The following CLVS1 variants were observed in gnomAD, a reference collection of about 807,000 sequenced individuals.
CLVS1 encodes the protein clavesin-1.
Under a neutral mutation model 33.1 loss-of-function variants are expected in CLVS1, and 10 were observed. The observed-to-expected ratio is 0.30, with a 90% CI of 0.19 to 0.51. The LOEUF (loss-of-function observed/expected upper bound fraction) is 0.51. Ranked by LOEUF, CLVS1 falls within the 20% of genes least tolerant of loss-of-function variation. The pLI, the probability that CLVS1 is intolerant of heterozygous loss-of-function variation, is 0.97. For synonymous variants in CLVS1, 163 were observed against 166.1 expected, an observed-to-expected ratio of 0.98 and a Z score of 0.14; for missense variants, 343 against 433.4, an observed-to-expected ratio of 0.79 and a Z score of 1.85.
intron 2 of CLVS1, among the ~76,000 whole-genome samples, chr8:61,216,852 T>G (rs1808101110): frequency 6.6e-6 from 1 of 152,138 alleles, no homozygotes; most frequent in Non-Finnish European, 1.5e-5. Context: ...TGGTGTTCTT[T>G]TTTTATGTCA....
chr8:61,358,978 T>C (rs2129599772), intron 2 of CLVS1, among the ~76,000 whole-genome samples: 1 of 152,348 alleles, frequency 6.6e-6, no homozygotes, highest in East Asian at 1.9e-4. Flanking sequence ...TTATTATAAT[T>C]TAAAGTTTAA....
chr8:61,193,364 C>G (rs1227533801), intron 2 of CLVS1, among the ~76,000 whole-genome samples: 2 of 151,952 alleles, frequency 1.3e-5, no homozygotes, highest in Non-Finnish European at 2.9e-5. Flanking sequence ...ACACCTGGGC[C>G]TGTCGTAGGG....
chr8:61,355,900 A>T (rs1812681902), intron 2 of CLVS1, among the ~76,000 whole-genome samples: 1 of 152,246 alleles, frequency 6.6e-6, no homozygotes, highest in East Asian at 1.9e-4. Context: ...TTATAGCAGC[A>T]TGATTTATAG....
intron 3 of CLVS1, among the ~76,000 whole-genome samples, chr8:61,388,963 C>T (rs747783048): frequency 1.3e-5 from 2 of 152,122 alleles, no homozygotes; most frequent in Non-Finnish European, 2.9e-5. Flanking sequence ...CTCTGTTCTA[C>T]TTTTTCCTTC....
intron 2 of CLVS1, among the ~76,000 whole-genome samples, chr8:61,356,627 A>C (rs1812719145): frequency 6.6e-6 from 1 of 152,072 alleles, no homozygotes; most frequent in Admixed American, 6.6e-5. Context: ...TCAGCTTTCT[A>C]CATATGGTTA....
chr8:61,206,103 T>A (rs910222343), intron 2 of CLVS1, among the ~76,000 whole-genome samples: 1 of 152,216 alleles, frequency 6.6e-6, no homozygotes, highest in Admixed American at 6.5e-5. Flanking sequence ...CTAGTTCATT[T>A]TCATTCTATT....
At chr8:61,432,063 C>A (rs1816134984) in intron 3 of CLVS1, among the ~76,000 whole-genome samples, 1 of 152,146 alleles carries the variant, frequency 6.6e-6, no homozygotes, top group Non-Finnish European at 1.5e-5. Context: ...TTCAGCTGAG[C>A]CTTGTAGGTT....
At chr8:61,435,740 T>C (rs1353529861) in intron 3 of CLVS1, among the ~76,000 whole-genome samples, 1 of 152,164 alleles carries the variant, frequency 6.6e-6, no homozygotes, top group Non-Finnish European at 1.5e-5. Flanking sequence ...ACTACTGTCT[T>C]GTACAGATAA....
At chr8:61,266,998 T>A (rs1321634460) in intron 2 of CLVS1, among the ~76,000 whole-genome samples, 1 of 152,244 alleles carries the variant, frequency 6.6e-6, no homozygotes, top group Non-Finnish European at 1.5e-5. Flanking sequence ...TTGAACTGGC[T>A]GCAGGATGCA....
At chr8:61,413,117 C>T (rs1408981921) in intron 3 of CLVS1, among the ~76,000 whole-genome samples, 1 of 152,074 alleles carries the variant, frequency 6.6e-6, no homozygotes, top group Admixed American at 6.5e-5. Flanking sequence ...TTGAAATTAG[C>T]GAGTCTGGAG....
At chr8:61,119,569 TG>T (rs1259390699) in intron 1 of CLVS1, among the ~76,000 whole-genome samples, 1 of 150,262 alleles carries the variant, frequency 6.7e-6, no homozygotes, top group Non-Finnish European at 1.5e-5. Flanking sequence ...GCAGGCCTGG[TG>T]GTGACAAAAT....
chr8:61,262,869 G>T (rs1374640485), intron 2 of CLVS1, among the ~76,000 whole-genome samples: 1 of 152,166 alleles, frequency 6.6e-6, no homozygotes, highest in Non-Finnish European at 1.5e-5. Context: ...AGCACTCGTT[G>T]CTCTAGGAGC....
intron 2 of CLVS1, among the ~76,000 whole-genome samples, chr8:61,374,451 A>T (rs75888373): frequency 0.015 from 2,247 of 152,300 alleles, 27 homozygotes; most frequent in Non-Finnish European, 0.023. Flanking sequence ...CGGTTTACCA[A>T]TTGGGCATTT....
chr8:61,473,645 G>A (rs1265688449), intron 5 of CLVS1, among the ~76,000 whole-genome samples: 2 of 152,154 alleles, frequency 1.3e-5, no homozygotes. Context: ...ATTGTAGCCT[G>A]GATTGGAGTG....
chr8:61,290,092 T>G (rs1480003159), intron 1 of CLVS1, among the ~76,000 whole-genome samples: 1 of 152,132 alleles, frequency 6.6e-6, no homozygotes, highest in African/African-American at 2.4e-5. Context: ...CTCAGAAAAT[T>G]TTTAAGAGTG....
At chr8:61,248,003 G>T (rs1399335195) in intron 2 of CLVS1, among the ~76,000 whole-genome samples, 1 of 152,146 alleles carries the variant, frequency 6.6e-6, no homozygotes, top group Admixed American at 6.5e-5. Context: ...TTCTGCATAA[G>T]GCTAGCCAGT....
chr8:61,290,720 T>C (rs189774070), intron 1 of CLVS1, among the ~76,000 whole-genome samples: 33 of 152,344 alleles, frequency 2.2e-4, no homozygotes, highest in Admixed American at 7.2e-4. Context: ...ACTCTTCCTG[T>C]TACACAGTGA....
intron 2 of CLVS1, among the ~76,000 whole-genome samples, chr8:61,335,577 GA>G (rs1283106260): frequency 1.3e-5 from 2 of 152,218 alleles, no homozygotes; most frequent in African/African-American, 4.8e-5. Flanking sequence ...TTTCTGATGA[GA>G]GATTTTCCTC....
chr8:61,279,708 A>G lies in CLVS1; in HGVS notation c.-151-19969A>G, dbSNP rs74955782. ...ATTTGAGATATCAGTGTTATAGGAT[A>G]TACATGTAAGTTGGATGTTTGATTG... On this transcript the variant is annotated intron_variant, in intron 2 of 2. Coordinates refer to the CLVS1 transcript ENST00000522621. Among the ~76,000 whole-genome samples, 524 of 152,346 alleles carry G rather than the reference A, an allele frequency of 3.4e-3. 3 individuals carry two copies. The highest frequency in any genetic ancestry group is 0.012 in the African/African-American group (497 of 41,576).
Sources: gnomAD v4.1 joint callset for allele counts (sites outside exome capture counted in the v4.1 genomes callset) on GRCh38, gnomAD v4.1.1 for gene constraint, MANE v1.5 for transcripts, NCBI Gene and HGNC (gene_info 2026-07-23, HGNC 2026-07-21) for gene names.